The following GPRC6A variants were observed in gnomAD, a reference collection of about 807,000 sequenced individuals.
The protein encoded by GPRC6A is G protein-coupled receptor family C group 6 member A.
Under a neutral mutation model 47.0 loss-of-function variants are expected in GPRC6A, and 54 were observed. The ratio of observed to expected loss-of-function variants is 1.15; its 90% CI spans 0.92 to 1.44. The LOEUF (loss-of-function observed/expected upper bound fraction) is 1.44. Among genes scored for constraint, GPRC6A ranks in the 40% most tolerant of loss-of-function variants. The pLI, the probability that GPRC6A is intolerant of heterozygous loss-of-function variation, is 0.00. For missense variants in GPRC6A, 1,112 were observed against 1,105.5 expected, an observed-to-expected ratio of 1.01 and a Z score of -0.08; for synonymous variants, 347 against 377.1, an observed-to-expected ratio of 0.92 and a Z score of 0.93.
intron 4 of GPRC6A, among the ~76,000 whole-genome samples, chr6:116,796,554 T>C (rs1024523036): frequency 6.6e-5 from 10 of 152,202 alleles, no homozygotes; most frequent in Non-Finnish European, 1.3e-4. Context: ...ATCTGCTTTG[T>C]CATGTCACTT....
intron 1 of GPRC6A, among the ~76,000 whole-genome samples, chr6:116,824,156 A>G (rs1433976716): frequency 6.6e-6 from 1 of 152,120 alleles, no homozygotes; most frequent in African/African-American, 2.4e-5. Flanking sequence ...AAGAAGAAAG[A>G]TTTCAAATAA....
At chr6:116,807,785 C>G (rs1156870494) in intron 2 of GPRC6A, among the ~76,000 whole-genome samples, 1 of 152,074 alleles carries the variant, frequency 6.6e-6, no homozygotes, top group African/African-American at 2.4e-5. Flanking sequence ...AGCCTGAAAG[C>G]TCAAGAGCAT....
chr6:116,800,846 G>T (rs752785504), intron 3 of GPRC6A, 50 bp from the exon 4 acceptor site: 1 of 1,113,924 alleles, frequency 9.0e-7, no homozygotes, highest in Non-Finnish European at 1.3e-6. Context: ...TGTTGCAAAT[G>T]TATCCATTAT....
intron 1 of GPRC6A, among the ~76,000 whole-genome samples, chr6:116,826,697 G>T (rs1054018890): frequency 6.6e-6 from 1 of 151,778 alleles, no homozygotes; most frequent in African/African-American, 2.4e-5. Context: ...CCTACTATTG[G>T]GTATCTATTC....
chr6:116,810,083 A>T (rs529539576), intron 1 of GPRC6A, among the ~76,000 whole-genome samples: 2 of 152,148 alleles, frequency 1.3e-5, no homozygotes, highest in Non-Finnish European at 2.9e-5. Context: ...GCTCCTAGAT[A>T]AAGTGTCTTA....
At position 116,829,061 on chromosome 6, in the gene GPRC6A, A is replaced by C. The variant is rs749357083; in HGVS notation, c.-48T>G. On this transcript the variant is annotated 5_prime_UTR_variant, in exon 1 of 6. Transcript: ENST00000310357. ...TCATGTGAGTTCTTAGGAATCATTA[A>C]GTGCACGGAGTGCCAGCAAGATTCC... The C allele has an allele frequency of 6.4e-7, 1 of 1,552,930 alleles. No individual in the cohort carries two copies. The highest frequency in any genetic ancestry group is 8.7e-7 in the Non-Finnish European group (1 of 1,150,882).
intron 3 of GPRC6A, 77 bp downstream of exon 3, chr6:116,806,293 T>A (rs1205286778): frequency 3.3e-5 from 29 of 891,182 alleles, no homozygotes; most frequent in Non-Finnish European, 4.3e-5. Context: ...TTAATATAAA[T>A]CTTTGCAAAT....
At chr6:116,820,888 G>A (rs1329889162) in intron 1 of GPRC6A, among the ~76,000 whole-genome samples, 1 of 151,878 alleles carries the variant, frequency 6.6e-6, no homozygotes, top group Non-Finnish European at 1.5e-5. Flanking sequence ...GAAATAAAGG[G>A]TATTCAATTA....
chr6:116,806,226 G>T lies in GPRC6A; in HGVS notation c.1335+144C>A, dbSNP rs1562481547. The T allele has an allele frequency of 2.0e-5, 12 of 607,480 alleles. No homozygotes were observed. The East Asian group carries it at 2.8e-4, about 14-fold the overall frequency. The allele number at this position is 607,480 out of a possible 1,614,324, so 37.6% of individuals were successfully genotyped here. A position where few individuals can be genotyped will look rare whatever the true frequency, so the allele number is the denominator to read the frequency against. ...AAGAGTAAGGCACTATGATAGAAAT[G>T]CTGGTTATTTAAACACTGAAAGTGT... On this transcript the variant is annotated intron_variant, in intron 3 of 5. Transcript: ENST00000310357.
intron 4 of GPRC6A, among the ~76,000 whole-genome samples, chr6:116,799,700 C>A (rs79236847): frequency 0.014 from 2,067 of 152,076 alleles, 57 homozygotes; most frequent in African/African-American, 0.047. Context: ...CTTGGGGGAA[C>A]AACAAAGGTT....
intron 1 of GPRC6A, among the ~76,000 whole-genome samples, chr6:116,820,964 T>C (rs1054414876): frequency 2.6e-5 from 4 of 152,108 alleles, no homozygotes; most frequent in East Asian, 3.9e-4. Flanking sequence ...AAAACCCCAT[T>C]GTCTAAGCCC....
chr6:116,818,076 T>C (rs1459728290), intron 1 of GPRC6A, among the ~76,000 whole-genome samples: 3 of 152,060 alleles, frequency 2.0e-5, no homozygotes, highest in Non-Finnish European at 4.4e-5. Context: ...AGACATGTAA[T>C]TGTCAGATTC....
At position 116,821,733 on chromosome 6, in the gene GPRC6A, G is replaced by A. The variant is rs1478366679; in HGVS notation, c.194+7087C>T. Among the ~76,000 whole-genome samples the A allele has an allele frequency of 3.0e-3, 457 of 151,904 alleles. 3 individuals carry two copies. The highest frequency in any genetic ancestry group is 0.01 in the African/African-American group (418 of 41,280). Reference sequence around the variant, plus strand: ...TTCAACATGGATTAAAGACTTAAACGTTAGACCTAAAACCATAAAAACCCT... The same window carrying A: ...TTCAACATGGATTAAAGACTTAAACATTAGACCTAAAACCATAAAAACCCT... On this transcript the variant is annotated intron_variant, in intron 1 of 5. Transcript: ENST00000310357.
At chr6:116,821,359 C>T (rs1773469022) in intron 1 of GPRC6A, among the ~76,000 whole-genome samples, 1 of 152,110 alleles carries the variant, frequency 6.6e-6, no homozygotes, top group African/African-American at 2.4e-5. Context: ...CAAAAAACTA[C>T]TTTAAAGTTC....
intron 1 of GPRC6A, among the ~76,000 whole-genome samples, chr6:116,824,993 A>T (rs1582483317): frequency 6.6e-6 from 1 of 152,132 alleles, no homozygotes; most frequent in East Asian, 1.9e-4. Flanking sequence ...AAACTATGTG[A>T]TCATCTCAAT....
Position 116,800,647 on chromosome 6 carries a change from G to C in GPRC6A, c.1485C>G (p.Asp495Glu). 6.2e-7 allele frequency: 1 copy of C among 1,613,332 alleles called. No individual in the cohort carries two copies. The highest frequency in any genetic ancestry group is 1.7e-5 in the Admixed American group (1 of 59,972). ...HMTVTKMAEY[D>E]LQNDVFIIPD... Reference sequence around the variant, plus strand: ...GGATGATGAAGACATCATTCTGTAGGTCATATTCTGCCATCTTAGTGACAG... The same window carrying C: ...GGATGATGAAGACATCATTCTGTAGCTCATATTCTGCCATCTTAGTGACAG... Residue 495 changes from aspartate to glutamate, a missense_variant, in exon 4 of 6, where the codon GAC becomes GAG. Transcript: ENST00000310357.
At chr6:116,805,835 T>C (rs746704356) in intron 3 of GPRC6A, among the ~76,000 whole-genome samples, 2 of 151,950 alleles carry the variant, frequency 1.3e-5, no homozygotes, top group Non-Finnish European at 2.9e-5. Flanking sequence ...ATTAGAGTCT[T>C]TATGTGTATA....
At chr6:116,818,337 A>G (rs1250938770) in intron 1 of GPRC6A, among the ~76,000 whole-genome samples, 1 of 150,746 alleles carries the variant, frequency 6.6e-6, no homozygotes, top group East Asian at 2.0e-4. Flanking sequence ...GATCGAGACC[A>G]TCCCGGCTAA....
Position 116,800,811 on chromosome 6 carries a change from AAC to A in GPRC6A, c.1336-17_1336-16del, listed in dbSNP as rs768221530. 2 of 1,494,036 alleles carry A rather than the reference AAC, an allele frequency of 1.3e-6. No homozygotes were observed. Among genetic ancestry groups the A allele is most frequent in the East Asian group, 4.5e-5 (2 of 44,240 alleles). The allele number at this position is 1,494,036 out of a possible 1,614,324, so 92.5% of individuals were successfully genotyped here. A position where few individuals can be genotyped will look rare whatever the true frequency, so the allele number is the denominator to read the frequency against. ...ACACCAAGTAACTATAAAAAATAAA[AAC>A]AGAGATAAGCACTTAATATAAATGT... On this transcript the variant is annotated splice_polypyrimidine_tract_variant and intron_variant, in intron 3 of 5. Coordinates refer to ENST00000310357, the MANE Select transcript of GPRC6A (RefSeq NM_148963.4).
Sources: allele counts gnomAD v4.1 joint callset (sites outside exome capture counted in the v4.1 genomes callset), GRCh38; gene constraint gnomAD v4.1.1; transcripts MANE v1.5; gene names NCBI Gene and HGNC (gene_info 2026-07-23, HGNC 2026-07-21).